The following WDR27 variants were observed in gnomAD, a reference collection of about 807,000 sequenced individuals.
WDR27 encodes the protein WD repeat domain 27.
In WDR27, 100 loss-of-function variants were observed where a neutral mutation model predicts 114.4. The observed-to-expected ratio is 0.87, with a 90% CI of 0.74 to 1.03. WDR27 has a LOEUF of 1.03. Ranked by LOEUF, WDR27 falls within the 50% of genes least tolerant of loss-of-function variation. The pLI, the probability that WDR27 is intolerant of heterozygous loss-of-function variation, is 0.00. For synonymous variants in WDR27, 449 were observed against 423.1 expected (o/e 1.06, Z -0.75); for missense variants, 1,129 against 1,092.9 (o/e 1.03, Z -0.47).
At chr6:169,432,326 G>C in the WDR27 span, among the ~76,000 whole-genome samples, 1 of 152,130 alleles carries the variant, frequency 6.6e-6, no homozygotes, top group African/African-American at 2.4e-5. Context: ...ACTATGCTTT[G>C]TCCAATCCAG....
chr6:169,618,350 C>A (rs936506938), intron 21 of WDR27, among the ~76,000 whole-genome samples: 1 of 151,662 alleles, frequency 6.6e-6, no homozygotes, highest in Non-Finnish European at 1.5e-5. Context: ...AGTATCCTAT[C>A]AAGTTTTAAA....
chr6:169,643,156 T>A (rs1348824121), intron 17 of WDR27, among the ~76,000 whole-genome samples: 2 of 152,164 alleles, frequency 1.3e-5, no homozygotes, highest in Admixed American at 6.5e-5. Flanking sequence ...AAGTGTAAGT[T>A]CTAAAGCAAG....
chr6:169,670,418 T>A, intron 4 of WDR27, 151 bp downstream of exon 4: 1 of 771,458 alleles, frequency 1.3e-6, no homozygotes, highest in African/African-American at 1.7e-5. Flanking sequence ...AAGATAAAGA[T>A]ATGATTTTAT....
At chr6:169,635,723 A>G (rs1817526768) in intron 19 of WDR27, among the ~76,000 whole-genome samples, 1 of 152,244 alleles carries the variant, frequency 6.6e-6, no homozygotes, top group South Asian at 2.1e-4. Context: ...GCCCCAATTA[A>G]CAAACTGAAG....
chr6:169,463,129 T>G (rs1785120482), intron 25 of WDR27, among the ~76,000 whole-genome samples: 1 of 152,202 alleles, frequency 6.6e-6, no homozygotes, highest in African/African-American at 2.4e-5. Flanking sequence ...TGGTACCCAC[T>G]AAGAGCCTGG....
intron 25 of WDR27, among the ~76,000 whole-genome samples, chr6:169,475,141 T>G (rs1386459651): frequency 6.6e-6 from 1 of 152,280 alleles, no homozygotes; most frequent in Admixed American, 6.5e-5. Context: ...TCACATTTTA[T>G]GCTTTTCAAG....
At chr6:169,653,387 T>C (rs1265085396) in intron 13 of WDR27, among the ~76,000 whole-genome samples, 2 of 152,218 alleles carry the variant, frequency 1.3e-5, no homozygotes, top group Non-Finnish European at 2.9e-5. Flanking sequence ...CACTGAACCA[T>C]ACACCTAAAA....
At chr6:169,478,458 T>G (rs1213337462) in intron 25 of WDR27, among the ~76,000 whole-genome samples, 1 of 152,148 alleles carries the variant, frequency 6.6e-6, no homozygotes, top group Non-Finnish European at 1.5e-5. Context: ...TGCTTGTACC[T>G]CAGGTTAAGT....
chr6:169,456,559 G>T (rs531506590), downstream of WDR27, among the ~76,000 whole-genome samples: 10 of 152,242 alleles, frequency 6.6e-5, no homozygotes, highest in South Asian at 2.1e-4. The surrounding 1 kb of genome is among the most constrained non-coding windows in gnomAD (Gnocchi z 4.0). Flanking sequence ...TCTTATAACC[G>T]TGGGGTCCTG....
At chr6:169,695,509 T>C (rs947690366) in intron 1 of WDR27, among the ~76,000 whole-genome samples, 1 of 152,222 alleles carries the variant, frequency 6.6e-6, no homozygotes, top group African/African-American at 2.4e-5. Context: ...CCACAGTGTG[T>C]CCATTTTAGA....
chr6:169,607,147 A>C (rs1163489739), intron 22 of WDR27, among the ~76,000 whole-genome samples: 1 of 152,190 alleles, frequency 6.6e-6, no homozygotes, highest in Non-Finnish European at 1.5e-5. Flanking sequence ...TGGGAATGTA[A>C]ATTAGTACAA....
At chr6:169,474,172 C>A (rs1786819898) in intron 25 of WDR27, among the ~76,000 whole-genome samples, 1 of 152,174 alleles carries the variant, frequency 6.6e-6, no homozygotes, top group Non-Finnish European at 1.5e-5. Context: ...TTAAATATAA[C>A]CAACTAGAGA....
At chr6:169,509,270 A>C (rs2115521166) in intron 25 of WDR27, among the ~76,000 whole-genome samples, 1 of 152,332 alleles carries the variant, frequency 6.6e-6, no homozygotes, top group African/African-American at 2.4e-5. Flanking sequence ...ACAGAATTGG[A>C]AAAAACTATT....
At chr6:169,687,362 T>C (rs1001730017) in intron 2 of WDR27, among the ~76,000 whole-genome samples, 3 of 151,982 alleles carry the variant, frequency 2.0e-5, no homozygotes, top group Admixed American at 2.0e-4. Flanking sequence ...ATATTTATAA[T>C]ATAAAGAACT....
intron 14 of WDR27, 133 bp from the exon 15 acceptor site, chr6:169,649,408 C>T (rs1821663757): frequency 1.4e-6 from 1 of 706,684 alleles, no homozygotes; most frequent in Admixed American, 2.3e-5. Context: ...GGGCCCCTCC[C>T]ACCTGTCCTC....
intron 20 of WDR27, among the ~76,000 whole-genome samples, chr6:169,633,794 T>C (rs570633308): frequency 6.6e-6 from 1 of 152,330 alleles, no homozygotes; most frequent in South Asian, 2.1e-4. Context: ...TATTTCTTAT[T>C]TCTGCTAGGT....
intron 18 of WDR27, among the ~76,000 whole-genome samples, chr6:169,638,322 CAAAAAAAAAA>C (rs60501000): frequency 0.18 from 1,970 of 11,038 alleles, 263 homozygotes; most frequent in African/African-American, 0.39. Context: ...GACTCCGTCT[CAAAAAAAAAA>C]AAAAAAAAAA....
At chr6:169,672,038 G>C (rs899380921) in intron 3 of WDR27, 6 of 448,466 alleles carry the variant, frequency 1.3e-5, no homozygotes, top group African/African-American at 6.0e-5. Flanking sequence ...ATAACAGACA[G>C]CAAAGGTCCG....
At chr6:169,474,524 C>G (rs1409855866) in intron 25 of WDR27, among the ~76,000 whole-genome samples, 1 of 151,914 alleles carries the variant, frequency 6.6e-6, no homozygotes, top group East Asian at 1.9e-4. Context: ...TGAAGACCTG[C>G]TAAGAAATAG....
Sources: gnomAD v4.1 joint callset for allele counts (sites outside exome capture counted in the v4.1 genomes callset) on GRCh38, gnomAD v4.1.1 for gene constraint, Gnocchi (gnomAD v3.1) non-coding constraint, MANE v1.5 for transcripts, NCBI Gene and HGNC (gene_info 2026-07-23, HGNC 2026-07-21) for gene names.